FMN1: variants seen among roughly 807,000 people sequenced by gnomAD.
The protein encoded by FMN1 is formin-1.
Under a neutral mutation model 132.4 loss-of-function variants are expected in FMN1, and 110 were observed. That is an observed-to-expected ratio of 0.83 (90% CI 0.71 to 0.97). The LOEUF is 0.97. Among genes scored for constraint, FMN1 ranks in the 50% least tolerant of loss-of-function variants. The probability of loss-of-function intolerance (pLI) is 0.00; values close to 1 mark genes in which losing one functional copy is unlikely to be tolerated. For missense variants in FMN1, 1,792 were observed against 1,705.3 expected (o/e 1.05, Z -0.90); for synonymous variants, 722 against 651.7 (o/e 1.11, Z -1.64).
chr15:33,128,819 A>G (rs980304072), intron 4 of FMN1, among the ~76,000 whole-genome samples: 3 of 152,346 alleles, frequency 2.0e-5, no homozygotes, highest in East Asian at 3.9e-4. Flanking sequence ...CGAGCAAAAT[A>G]ACAAAGCCTC....
intron 17 of FMN1, among the ~76,000 whole-genome samples, chr15:32,834,780 G>A (rs2058585129): frequency 6.6e-6 from 1 of 152,118 alleles, no homozygotes; most frequent in South Asian, 2.1e-4. Flanking sequence ...TATTTCCACT[G>A]ATCTTGAAAA....
At chr15:33,014,312 G>C (rs963434215) in intron 6 of FMN1, among the ~76,000 whole-genome samples, 1 of 152,224 alleles carries the variant, frequency 6.6e-6, no homozygotes, top group South Asian at 2.1e-4. Flanking sequence ...GCAGATGCCT[G>C]AGTGTGAGGA....
At chr15:33,108,441 A>G (rs1034618702) in intron 4 of FMN1, among the ~76,000 whole-genome samples, 1 of 152,042 alleles carries the variant, frequency 6.6e-6, no homozygotes, top group African/African-American at 2.4e-5. Context: ...AAATAGTATT[A>G]TTTTACTCTC....
At position 32,780,273 on chromosome 15, in the gene FMN1, A is replaced by G. The variant is rs553254254; in HGVS notation, c.4131-3354T>C. Among the ~76,000 whole-genome samples, 6 of 152,250 alleles carry G rather than the reference A, an allele frequency of 3.9e-5. No individual in the cohort carries two copies. In the East Asian group the frequency reaches 1.2e-3, roughly 29 times the overall value. ...ACAGGAAGAGACATGAGGTCAGCAC[A>G]AGATACAGGTCATAAAGACCTTGCT... is the stretch of plus-strand genomic sequence containing the variant. On this transcript the variant is annotated intron_variant, in intron 19 of 20. Transcript: ENST00000616417.
intron 17 of FMN1, among the ~76,000 whole-genome samples, chr15:32,841,790 G>C (rs530618001): frequency 1.3e-5 from 2 of 152,294 alleles, no homozygotes; most frequent in African/African-American, 4.8e-5. Flanking sequence ...AAGGAGTTAC[G>C]AGAACCAGAA....
chr15:33,108,386 G>A (rs1268315872), intron 4 of FMN1, among the ~76,000 whole-genome samples: 1 of 152,052 alleles, frequency 6.6e-6, no homozygotes, highest in African/African-American at 2.4e-5. Flanking sequence ...ACTCCCATGA[G>A]TAGGGAAAGG....
chr15:33,117,370 T>C (rs1053818700), intron 4 of FMN1, among the ~76,000 whole-genome samples: 2 of 152,218 alleles, frequency 1.3e-5, no homozygotes, highest in Non-Finnish European at 2.9e-5. Context: ...ATCGAAACCA[T>C]AGCTGCATTT....
At chr15:32,819,422 C>T (rs1246517735) in intron 17 of FMN1, among the ~76,000 whole-genome samples, 1 of 152,172 alleles carries the variant, frequency 6.6e-6, no homozygotes, top group Non-Finnish European at 1.5e-5. Flanking sequence ...TTCAAAGGTG[C>T]TTATGCTGCT....
At position 32,968,205 on chromosome 15, in the gene FMN1, T is replaced by A. The variant is rs537019833; in HGVS notation, c.2987+509A>T. Reference sequence around the variant, plus strand: ...GAGAGTTTGTATTTTAAGACTCTCCTCTGATCTAAAGAACTAATAACTTAG... The same window carrying A: ...GAGAGTTTGTATTTTAAGACTCTCCACTGATCTAAAGAACTAATAACTTAG... On this transcript the variant is annotated intron_variant, in intron 8 of 20. Coordinates refer to ENST00000616417, the MANE Select transcript of FMN1 (RefSeq NM_001277313.2). Among the ~76,000 whole-genome samples the A allele has an allele frequency of 7.2e-5, 11 of 152,348 alleles. No individual in the cohort carries two copies. The East Asian group carries it at 2.1e-3, about 29-fold the overall frequency.
chr15:33,098,993 G>A (rs778967489), intron 4 of FMN1, among the ~76,000 whole-genome samples: 9 of 152,160 alleles, frequency 5.9e-5, no homozygotes, highest in Admixed American at 1.3e-4. Flanking sequence ...TAGCCCAGGC[G>A]TGGTGGCTCA....
chr15:33,153,196 TG>T lies in FMN1; in HGVS notation c.1718del (p.Pro573HisfsTer114), dbSNP rs1964518684. On this transcript the variant is annotated frameshift_variant, in exon 4 of 21. Transcript: ENST00000616417. LOFTEE classifies it high-confidence loss of function. The stretch of plus-strand genomic sequence containing the variant: ...TCTCCGTGACCTTTGCAGAGGATGG[TG>T]GCTCCAAGGTGTCAGCAGAGACGCA... ...SGCVSADTLE[P>X]PSSAKVTETK... 1 of 1,536,070 alleles carries T rather than the reference TG, an allele frequency of 6.5e-7. No individual in the cohort carries two copies. Among genetic ancestry groups the T allele is most frequent in the Admixed American group, 2.0e-5 (1 of 51,004 alleles).
chr15:32,899,567 T>C (rs1297471979), intron 14 of FMN1, among the ~76,000 whole-genome samples: 1 of 152,104 alleles, frequency 6.6e-6, no homozygotes, highest in Non-Finnish European at 1.5e-5. Context: ...GCCCAATTGT[T>C]GTGGCAAAAA....
At chr15:32,819,990 C>A (rs563238486) in intron 17 of FMN1, among the ~76,000 whole-genome samples, 23 of 152,100 alleles carry the variant, frequency 1.5e-4, no homozygotes, top group Non-Finnish European at 3.1e-4. Flanking sequence ...AAATGGTGGA[C>A]TGAATAATAA....
At chr15:32,848,419 T>C (rs2058914209) in intron 17 of FMN1, among the ~76,000 whole-genome samples, 1 of 152,192 alleles carries the variant, frequency 6.6e-6, no homozygotes, top group African/African-American at 2.4e-5. Context: ...CATTTTCTCA[T>C]TGACTGGGAG....
chr15:33,119,623 T>G (rs1429368894), intron 4 of FMN1, among the ~76,000 whole-genome samples: 1 of 152,240 alleles, frequency 6.6e-6, no homozygotes, highest in Non-Finnish European at 1.5e-5. Context: ...TTTCTTTCTC[T>G]TTCAAGGGAT....
intron 7 of FMN1, among the ~76,000 whole-genome samples, chr15:33,005,609 T>C (rs1030602680): frequency 1.3e-5 from 2 of 152,202 alleles, no homozygotes; most frequent in South Asian, 4.2e-4. Context: ...ACAGCAAGAA[T>C]TAAAAAACTG....
intron 4 of FMN1, among the ~76,000 whole-genome samples, chr15:33,107,292 CCAGCTCTTCTTCCTT>C (rs2039524267): frequency 6.6e-6 from 1 of 151,974 alleles, no homozygotes; most frequent in Non-Finnish European, 1.5e-5. Flanking sequence ...AAAAAATCTC[CCAGCTCTTCTTCCTT>C]CTTCCACTCG....
intron 7 of FMN1, among the ~76,000 whole-genome samples, chr15:32,996,876 C>T (rs1305622321): frequency 6.6e-6 from 1 of 152,092 alleles, no homozygotes; most frequent in African/African-American, 2.4e-5. Context: ...TGAATCACCC[C>T]ATAGGCCTGT....
chr15:33,066,863 A>G (rs775128577), intron 5 of FMN1: 3 of 1,613,830 alleles, frequency 1.9e-6, no homozygotes, highest in African/African-American at 2.7e-5. Context: ...CTGCTCCAGG[A>G]GAGTGGGAGT....
Sources: gnomAD v4.1 joint callset for allele counts (sites outside exome capture counted in the v4.1 genomes callset) on GRCh38, gnomAD v4.1.1 for gene constraint, MANE v1.5 for transcripts, NCBI Gene and HGNC (gene_info 2026-07-23, HGNC 2026-07-21) for gene names.